XKR9: variants seen among roughly 807,000 people sequenced by gnomAD.
XKR9 encodes XK related 9.
In XKR9, 32 loss-of-function variants were observed where a neutral mutation model predicts 32.0. The observed-to-expected ratio is 1.00, with a 90% CI of 0.76 to 1.34. The LOEUF (loss-of-function observed/expected upper bound fraction) is 1.34, where lower values mean the gene tolerates loss of function less well. XKR9 is among the 40% of genes most tolerant of loss of function. XKR9 has a pLI of 0.00. For synonymous variants in XKR9, 168 were observed against 143.4 expected, an observed-to-expected ratio of 1.17 and a Z score of -1.22; for missense variants, 546 against 429.7, an observed-to-expected ratio of 1.27 and a Z score of -2.39.
At chr8:70,698,806 T>A (rs1367031451) in intron 3 of XKR9, among the ~76,000 whole-genome samples, 2 of 152,128 alleles carry the variant, frequency 1.3e-5, no homozygotes, top group Non-Finnish European at 2.9e-5. Flanking sequence ...CCCATTATTA[T>A]TGTGTGGGAA....
chr8:70,733,189 A>G (rs1311836063), intron 4 of XKR9, among the ~76,000 whole-genome samples: 2 of 152,220 alleles, frequency 1.3e-5, no homozygotes, highest in African/African-American at 2.4e-5. Context: ...ATAGATATCA[A>G]TCCTACAGAA....
At position 70,784,891 on chromosome 8, in the gene XKR9, T is replaced by G. The variant is rs1051267819; in HGVS notation, n.353-4448T>G. Among the ~76,000 whole-genome samples, 3 of 142,216 alleles carry G rather than the reference T, an allele frequency of 2.1e-5. No individual in the cohort carries two copies. In the East Asian group the frequency reaches 6.6e-4, roughly 31 times the overall value. The allele number at this position is 142,216 out of a possible 152,430, so 93.3% of individuals were successfully genotyped here. A position where few individuals can be genotyped will look rare whatever the true frequency, so the allele number is the denominator to read the frequency against. On this transcript the variant is annotated intron_variant and non_coding_transcript_variant, in intron 2 of 3. Coordinates refer to the XKR9 transcript ENST00000520273. ...TTCTTCTATACCTAATTTGGTGAGA[T>G]TTTTTTTTTTTTAATCATGAAAGGA...
At chr8:70,852,635 G>A in the XKR9 span, among the ~76,000 whole-genome samples, 3 of 152,128 alleles carry the variant, frequency 2.0e-5, no homozygotes, top group African/African-American at 7.2e-5. Flanking sequence ...AAAGAAAAAT[G>A]TGGCATATAT....
At chr8:70,837,291 G>A in the XKR9 span, among the ~76,000 whole-genome samples, 3 of 152,076 alleles carry the variant, frequency 2.0e-5, no homozygotes, top group African/African-American at 7.2e-5. Flanking sequence ...GACAGCAAGT[G>A]CTCAATGAAT....
At chr8:71,003,042 A>G in the XKR9 span, among the ~76,000 whole-genome samples, 2 of 152,144 alleles carry the variant, frequency 1.3e-5, no homozygotes, top group Admixed American at 6.5e-5. Context: ...CCCTTCAACA[A>G]TTTTCAAGCT....
chr8:70,674,891 A>C lies in XKR9; in HGVS notation c.-287A>C, dbSNP rs1818832462. On this transcript the variant is annotated 5_prime_UTR_variant, in exon 2 of 5. Transcript: ENST00000408926. ...CTTTGAGTCAAAGATGGCTTTTTAT[A>C]TTTGACAAGTAAGTCTATGTTTTAT... The C allele has an allele frequency of 6.6e-6, 1 of 152,214 alleles. No homozygotes were observed. The allele number at this position is 152,214 out of a possible 1,614,324, so 9.4% of individuals were successfully genotyped here. A position where few individuals can be genotyped will look rare whatever the true frequency, so the allele number is the denominator to read the frequency against.
chr8:70,745,972 A>G (rs889152702), intron 2 of XKR9, among the ~76,000 whole-genome samples: 5 of 152,192 alleles, frequency 3.3e-5, no homozygotes, highest in African/African-American at 4.8e-5. Context: ...TTGCACATAT[A>G]CATGTCTTTG....
At chr8:70,838,908 A>G in the XKR9 span, among the ~76,000 whole-genome samples, 1 of 152,070 alleles carries the variant, frequency 6.6e-6, no homozygotes, top group Admixed American at 6.6e-5. Context: ...GCAACCTTGT[A>G]TAGTCCCTGT....
chr8:70,703,053 C>T (rs1043649801), intron 3 of XKR9, among the ~76,000 whole-genome samples: 1 of 151,840 alleles, frequency 6.6e-6, no homozygotes, highest in Non-Finnish European at 1.5e-5. Flanking sequence ...TAAGATGTAC[C>T]TATGTATGGT....
chr8:71,050,844 T>C, the XKR9 span, among the ~76,000 whole-genome samples: 1 of 152,224 alleles, frequency 6.6e-6, no homozygotes, highest in Admixed American at 6.5e-5. Flanking sequence ...TGCAATTCTT[T>C]TGCCATCTGT....
the XKR9 span, among the ~76,000 whole-genome samples, chr8:71,007,997 A>C: frequency 6.6e-6 from 1 of 152,222 alleles, no homozygotes; most frequent in African/African-American, 2.4e-5. Context: ...AATAAAGCAA[A>C]GAATAATGAA....
the XKR9 span, among the ~76,000 whole-genome samples, chr8:71,044,220 A>C: frequency 2.0e-5 from 3 of 152,226 alleles, no homozygotes; most frequent in African/African-American, 7.2e-5. Flanking sequence ...GCTTACAGAA[A>C]ATATGTTAAA....
At chr8:70,954,940 T>A in the XKR9 span, among the ~76,000 whole-genome samples, 1 of 152,206 alleles carries the variant, frequency 6.6e-6, no homozygotes, top group Admixed American at 6.5e-5. Flanking sequence ...ATCAGTCTTT[T>A]GTAAGTCTGA....
rs191031218 is a variant in XKR9 at position 70,755,453 on chromosome 8, T to C, written n.353-33886T>C. 5.9e-3 allele frequency among the ~76,000 whole-genome samples: 896 copies of C among 152,290 alleles called. 12 individuals carry two copies. Among genetic ancestry groups the C allele is most frequent in the African/African-American group, 0.021 (855 of 41,542 alleles). ...TAAATCATGCTGTTATAAAGACACATGCACACGTATGTTTATTGTGGCATT... is the reference window on the plus strand; with the variant it reads ...TAAATCATGCTGTTATAAAGACACACGCACACGTATGTTTATTGTGGCATT... On this transcript the variant is annotated intron_variant and non_coding_transcript_variant, in intron 2 of 3. Transcript: ENST00000520273.
At chr8:70,718,488 C>T (rs1010067863) in intron 4 of XKR9, among the ~76,000 whole-genome samples, 4 of 152,010 alleles carry the variant, frequency 2.6e-5, no homozygotes, top group African/African-American at 9.7e-5. Flanking sequence ...GATGCCCCAA[C>T]AGGCCCCAGA....
chr8:70,989,657 G>A, the XKR9 span, among the ~76,000 whole-genome samples: 21 of 152,142 alleles, frequency 1.4e-4, no homozygotes, highest in South Asian at 4.1e-3. Context: ...TTTAAATTTT[G>A]TAAAGCATTT....
chr8:70,754,496 G>A (rs1374179196), intron 2 of XKR9, among the ~76,000 whole-genome samples: 4 of 140,916 alleles, frequency 2.8e-5, no homozygotes, highest in Non-Finnish European at 1.6e-5. Context: ...GAGGCATCAC[G>A]CTACCTGACT....
At chr8:70,836,583 A>G in the XKR9 span, among the ~76,000 whole-genome samples, 6 of 151,966 alleles carry the variant, frequency 3.9e-5, no homozygotes, top group Non-Finnish European at 8.8e-5. Flanking sequence ...TAAAAAAATG[A>G]TTTAAAAAAT....
chr8:70,924,172 T>A, the XKR9 span, among the ~76,000 whole-genome samples: 1 of 152,224 alleles, frequency 6.6e-6, no homozygotes, highest in Non-Finnish European at 1.5e-5. Context: ...ATGCCACTTA[T>A]TCTCCCTCAG....
Sources: gnomAD v4.1 joint callset for allele counts (sites outside exome capture counted in the v4.1 genomes callset) on GRCh38, gnomAD v4.1.1 for gene constraint, MANE v1.5 for transcripts, NCBI Gene and HGNC (gene_info 2026-07-23, HGNC 2026-07-21) for gene names.